The following LMBRD1 variants were observed in gnomAD, a reference collection of about 807,000 sequenced individuals.
LMBRD1 encodes lysosomal cobalamin transport escort protein LMBD1.
LMBRD1 carries 64 observed loss-of-function variants against 74.8 expected under a neutral mutation model. That is an observed-to-expected ratio of 0.86 (90% CI 0.70 to 1.05). LMBRD1 has a LOEUF of 1.05. Ranked by LOEUF, LMBRD1 falls within the 50% of genes least tolerant of loss-of-function variation. The pLI is 0.00. For missense variants in LMBRD1, 652 were observed against 645.9 expected (o/e 1.01, Z -0.10); for synonymous variants, 204 against 216.3 (o/e 0.94, Z 0.50).
chr6:69,753,938 CAAA>C (rs201669814), intron 3 of LMBRD1, among the ~76,000 whole-genome samples: 1 of 106,196 alleles, frequency 9.4e-6, no homozygotes. Flanking sequence ...GACTCCGTCT[CAAA>C]AAAAAAAAAA....
chr6:69,751,018 T>TAA (rs1765136473), intron 4 of LMBRD1, among the ~76,000 whole-genome samples: 1 of 152,168 alleles, frequency 6.6e-6, no homozygotes, highest in South Asian at 2.1e-4. Context: ...GTCAAAAAGA[T>TAA]AAGACATTTA....
chr6:69,734,519 C>T (rs1347704681), intron 7 of LMBRD1, among the ~76,000 whole-genome samples: 1 of 152,082 alleles, frequency 6.6e-6, no homozygotes, highest in Non-Finnish European at 1.5e-5. Context: ...CCTCAGTCTC[C>T]CGAGTACCTG....
At chr6:69,756,203 A>G (rs573764715) in intron 3 of LMBRD1, among the ~76,000 whole-genome samples, 26 of 152,110 alleles carry the variant, frequency 1.7e-4, no homozygotes, top group Admixed American at 1.7e-3. Context: ...TCTACTAAAA[A>G]TACAAAAAAA....
intron 7 of LMBRD1, among the ~76,000 whole-genome samples, chr6:69,720,122 C>T (rs1766581616): frequency 6.6e-6 from 1 of 152,108 alleles, no homozygotes; most frequent in South Asian, 2.1e-4. Context: ...AATGATTAAA[C>T]ATTGCTTAAA....
intron 3 of LMBRD1, among the ~76,000 whole-genome samples, chr6:69,776,911 T>G (rs137908838): frequency 2.6e-3 from 390 of 152,266 alleles, no homozygotes; most frequent in African/African-American, 9.1e-3. Context: ...TCCCAGCACT[T>G]TGAGACGGGC....
intron 3 of LMBRD1, among the ~76,000 whole-genome samples, chr6:69,762,439 C>G (rs1765391563): frequency 1.3e-5 from 2 of 150,816 alleles, no homozygotes; most frequent in African/African-American, 2.4e-5. Flanking sequence ...AGTAGAGACC[C>G]TGTCTCTACC....
intron 3 of LMBRD1, among the ~76,000 whole-genome samples, chr6:69,759,362 T>G (rs1300722529): frequency 1.3e-5 from 2 of 151,794 alleles, no homozygotes; most frequent in Non-Finnish European, 2.9e-5. Context: ...ACAAGAATAA[T>G]AAGACAAAGA....
chr6:69,744,224 A>T (rs1479825666), intron 5 of LMBRD1, among the ~76,000 whole-genome samples: 2 of 151,934 alleles, frequency 1.3e-5, no homozygotes, highest in Non-Finnish European at 2.9e-5. Context: ...CAGCCCTTCT[A>T]AAAAAAATGT....
At position 69,735,832 on chromosome 6, in the gene LMBRD1, T is replaced by C. The variant is rs184887615; in HGVS notation, c.636+2110A>G. ...ACTTCAAAACCCTAACTGTGGACTATAAAGCTCACATGACATGGCCTCTTG... is the reference window on the plus strand; with the variant it reads ...ACTTCAAAACCCTAACTGTGGACTACAAAGCTCACATGACATGGCCTCTTG... On this transcript the variant is annotated intron_variant, in intron 7 of 15. Coordinates refer to ENST00000649934, the MANE Select transcript of LMBRD1 (RefSeq NM_018368.4). Among the ~76,000 whole-genome samples the C allele has an allele frequency of 4.9e-4, 74 of 152,322 alleles. 1 individual carries two copies. Among genetic ancestry groups the C allele is most frequent in the Admixed American group, 1.6e-3 (25 of 15,304 alleles).
At chr6:69,743,237 G>A (rs933998724) in intron 5 of LMBRD1, among the ~76,000 whole-genome samples, 1 of 151,936 alleles carries the variant, frequency 6.6e-6, no homozygotes, top group Non-Finnish European at 1.5e-5. Context: ...CTGTGAGAGT[G>A]GGAAAACAAA....
chr6:69,695,660 G>A (rs992468787), intron 14 of LMBRD1, among the ~76,000 whole-genome samples: 1 of 151,598 alleles, frequency 6.6e-6, no homozygotes, highest in South Asian at 2.1e-4. Flanking sequence ...TTGTTTCTTT[G>A]TTATCTTTTA....
chr6:69,747,870 A>C (rs1765026897), intron 5 of LMBRD1, among the ~76,000 whole-genome samples: 1 of 152,246 alleles, frequency 6.6e-6, no homozygotes, highest in Admixed American at 6.5e-5. Flanking sequence ...GAAACTCTGA[A>C]TATGCCACCT....
At chr6:69,697,695 G>A in intron 13 of LMBRD1, 54 bp from the exon 14 acceptor site, 5 of 1,086,724 alleles carry the variant, frequency 4.6e-6, no homozygotes, top group Non-Finnish European at 7.0e-6. Flanking sequence ...AAATACATTT[G>A]GATTTAAAAA....
chr6:69,766,948 T>C (rs1005276640), intron 3 of LMBRD1, among the ~76,000 whole-genome samples: 1 of 151,782 alleles, frequency 6.6e-6, no homozygotes, highest in East Asian at 1.9e-4. Flanking sequence ...ATTGATTCAA[T>C]TGGAAAATTG....
Position 69,713,765 on chromosome 6 carries a change from A to G in LMBRD1, c.795T>C (p.Asp265=), listed in dbSNP as rs1332284462. ...CTTCAAATTGTTTTAAGGCGCGTTT[A>G]TCCCTTGCTGGCAAAGGTCGACCAT... ...SKDGRPLPAR[D]KRALKQFEER... The change falls in exon 9 of 16, where the codon GAT becomes GAC. Residue 265 remains aspartate (D), a synonymous_variant. Transcript: ENST00000649934. The G allele has an allele frequency of 6.2e-7, 1 of 1,613,584 alleles. No homozygotes were observed. The highest frequency in any genetic ancestry group is 1.3e-5 in the African/African-American group (1 of 74,920).
chr6:69,796,874 G>C lies in LMBRD1; in HGVS notation c.8C>G (p.Thr3Ser), dbSNP rs1315917245. 1.9e-6 allele frequency: 3 copies of C among 1,613,968 alleles called. No homozygotes were observed. The highest frequency in any genetic ancestry group is 2.5e-6 in the Non-Finnish European group (3 of 1,180,032). Residue 3 changes from threonine to serine, a missense_variant, in exon 1 of 16, where the codon ACT (threonine) becomes AGT (serine). Around this residue, in one of 3 missense-constraint regions of LMBRD1, gnomAD observed 598 missense variants for 581.8 expected, o/e 1.03. Coordinates refer to ENST00000649934, the MANE Select transcript of LMBRD1 (RefSeq NM_018368.4). Reference protein sequence around the residue: MATSGAASAELVI... With the variant: MASSGAASAELVI... ...CAGCTCCGCCGAGGCCGCGCCAGAA[G>C]TCGCCATCTTCGCTTCCGGTCCAGA...
intron 1 of LMBRD1, among the ~76,000 whole-genome samples, chr6:69,794,693 C>G (rs180846463): frequency 6.6e-6 from 1 of 152,228 alleles, no homozygotes; most frequent in African/African-American, 2.4e-5. Flanking sequence ...AGCTTGACAA[C>G]TCTTCAATAC....
At chr6:69,750,209 T>A (rs1432986498) in intron 4 of LMBRD1, among the ~76,000 whole-genome samples, 2 of 151,134 alleles carry the variant, frequency 1.3e-5, no homozygotes, top group African/African-American at 4.8e-5. Flanking sequence ...CAGGCACTGA[T>A]AAGAACGTCA....
At chr6:69,779,576 T>C (rs897001872) in intron 3 of LMBRD1, among the ~76,000 whole-genome samples, 1 of 152,028 alleles carries the variant, frequency 6.6e-6, no homozygotes, top group Non-Finnish European at 1.5e-5. Context: ...TGGCAATACT[T>C]AGAAAAAATT....
Sources: gnomAD v4.1 joint callset for allele counts (sites outside exome capture counted in the v4.1 genomes callset) on GRCh38, gnomAD v4.1.1 for gene constraint, gnomAD v4.1.1 regional missense constraint, MANE v1.5 for transcripts, NCBI Gene and HGNC (gene_info 2026-07-23, HGNC 2026-07-21) for gene names.